IGFALS: variants seen among roughly 807,000 people sequenced by gnomAD.
The protein encoded by IGFALS is insulin-like growth factor-binding protein complex acid labile subunit.
In IGFALS, 2 loss-of-function variants were observed where a neutral mutation model predicts 2.6. That is an observed-to-expected ratio of 0.77 (90% confidence interval 0.32 to 2.44). The LOEUF (loss-of-function observed/expected upper bound fraction) is 2.44. IGFALS is among the 30% of genes most tolerant of loss of function. The pLI, the probability that IGFALS is intolerant of heterozygous loss-of-function variation, is 0.11. For synonymous variants in IGFALS, 519 were observed against 431.9 expected, an observed-to-expected ratio of 1.20 and a Z score of -2.50; for missense variants, 996 against 848.7, an observed-to-expected ratio of 1.17 and a Z score of -2.16.
In IGFALS at chr16:1,791,757, G is replaced by A. The variant is rs574076088; in HGVS notation, c.661C>T (p.Arg221Trp). 46 of 1,550,342 alleles carry A rather than the reference G, an allele frequency of 3.0e-5. No homozygotes were observed. The South Asian group carries it at 3.5e-4, about 12-fold the overall frequency. Reference protein sequence around the residue: ...PALFSGLAELRELDLSRNALR... With the variant: ...PALFSGLAELWELDLSRNALR... ...GCGTTCCTGCTCAGGTCCAGCTCCC[G>A]GAGCTCGGCCAGGCCGCTGAAGAGC... is the stretch of plus-strand genomic sequence containing the variant. The change falls in exon 2 of 2, where the codon CGG becomes TGG. Residue 221 changes from arginine (R) to tryptophan (W), a missense_variant. Arg to Trp is a moderately radical substitution (Grantham distance 101). Coordinates refer to ENST00000215539, the MANE Select transcript of IGFALS (RefSeq NM_004970.3).
chr16:1,793,162 C>T (rs1359895864), intron 1 of IGFALS, among the ~76,000 whole-genome samples: 1 of 152,112 alleles, frequency 6.6e-6, no homozygotes, highest in African/African-American at 2.4e-5. Context: ...GAGGTGGGGC[C>T]CCCCCGACTG....
rs757658394 is a variant in IGFALS, at chr16:1,790,427, C to T, written c.*173G>A. The T allele has an allele frequency of 3.7e-5, 25 of 678,948 alleles. No individual in the cohort carries two copies. Among genetic ancestry groups the T allele is most frequent in the South Asian group, 3.1e-4 (20 of 63,584 alleles). The allele number at this position is 678,948 out of a possible 1,614,324, so 42.1% of individuals were successfully genotyped here. ...CACTGTGCCTGTTAGATTCGATTGC[C>T]TTTGCCTTTAATTGATGACAGCTGG... On this transcript the variant is annotated 3_prime_UTR_variant, in exon 2 of 2. Coordinates refer to ENST00000215539, the MANE Select transcript of IGFALS (RefSeq NM_004970.3).
chr16:1,791,543 A>G lies in IGFALS; in HGVS notation c.875T>C (p.Leu292Pro). Reference protein sequence around the residue: ...LEDTFPGLLGLRVLRLSHNAI... With the variant: ...LEDTFPGLLGPRVLRLSHNAI... ...GTTGTGGGACAGCCGCAGCACACGCAGGCCCAGCAGACCGGGGAACGTGTC... is the reference window on the plus strand; with the variant it reads ...GTTGTGGGACAGCCGCAGCACACGCGGGCCCAGCAGACCGGGGAACGTGTC... Residue 292 changes from leucine to proline, a missense_variant, in exon 2 of 2, where the codon CTG (leucine) becomes CCG (proline). Coordinates refer to ENST00000215539, the MANE Select transcript of IGFALS (RefSeq NM_004970.3). The G allele has an allele frequency of 6.3e-7, 1 of 1,581,178 alleles. No homozygotes were observed. The highest frequency in any genetic ancestry group is 1.8e-5 in the Admixed American group (1 of 54,970).
Position 1,793,680 on chromosome 16 carries a change from G to C in IGFALS, c.-28C>G. The stretch of plus-strand genomic sequence containing the variant: ...TGCATGCAGGGCAGGCTGCAGGCAG[G>C]CAGCGAGGGAGGGTACGTCTGCTGT... On this transcript the variant is annotated 5_prime_UTR_variant, in exon 1 of 2. Transcript: ENST00000215539. The C allele has an allele frequency of 6.3e-7, 1 of 1,582,856 alleles. No homozygotes were observed. The highest frequency in any genetic ancestry group is 1.1e-5 in the South Asian group (1 of 87,006).
At chr16:1,793,524 A>G in intron 1 of IGFALS, 113 bp downstream of exon 1, 2 of 999,700 alleles carry the variant, frequency 2.0e-6, no homozygotes, top group Admixed American at 2.4e-5. Context: ...GCAGACCCCC[A>G]GAGCTGAGCC....
In IGFALS at chr16:1,791,136, GCTC is replaced by G; in HGVS notation, c.1279_1281del (p.Glu427del). On this transcript the variant is annotated inframe_deletion, in exon 2 of 2. Transcript: ENST00000215539. ...AGCTCCGCCAGCCCCCACAGGCTCT[GCTC>G]CTCAATGCCCACGAGGCCGTTGTCC... The G allele has an allele frequency of 6.2e-7, 1 of 1,605,020 alleles. No individual in the cohort carries two copies. The highest frequency in any genetic ancestry group is 8.5e-7 in the Non-Finnish European group (1 of 1,179,756).
At chr16:1,794,786 C>T (rs1230695407), upstream of IGFALS, 7 of 697,024 alleles carry the variant, frequency 1.0e-5, 1 homozygote, top group South Asian at 4.5e-5. Flanking sequence ...AGCCAGGGCT[C>T]GGGGAGACCA....
Position 1,790,457 on chromosome 16 carries a change from G to A in IGFALS, c.*143C>T, listed in dbSNP as rs1477768348. ...CCTTTAATTGATGACAGCTGGGGGGGCCGCCATGCCTTCCACCCCATCAGG... is the reference window on the plus strand; with the variant it reads ...CCTTTAATTGATGACAGCTGGGGGGACCGCCATGCCTTCCACCCCATCAGG... On this transcript the variant is annotated 3_prime_UTR_variant, in exon 2 of 2. Coordinates refer to ENST00000215539, the MANE Select transcript of IGFALS (RefSeq NM_004970.3). 9.5e-6 allele frequency: 7 copies of A among 737,662 alleles called. No individual in the cohort carries two copies. Among genetic ancestry groups the A allele is most frequent in the Admixed American group, 4.1e-5 (2 of 49,276 alleles). 45.7% of individuals were successfully genotyped at this position (737,662 alleles called of 1,614,324 possible). A position where few individuals can be genotyped will look rare whatever the true frequency, so the allele number is the denominator to read the frequency against.
rs766957939 is a variant in IGFALS, at chr16:1,790,733, A to G, written c.1685T>C (p.Val562Ala). ...ATCGTCCCCCTCACAGATGGCCTGG[A>G]CGAAGCGGGGCACAGCACTGGGGTT... ...LQNPSAVPRF[V>A]QAICEGDDCQ... The change falls in exon 2 of 2, where the codon GTC (valine) becomes GCC (alanine). Residue 562 changes from valine to alanine, a missense_variant. Coordinates refer to ENST00000215539, the MANE Select transcript of IGFALS (RefSeq NM_004970.3). The G allele has an allele frequency of 2.5e-6, 4 of 1,606,742 alleles. No homozygotes were observed. The highest frequency in any genetic ancestry group is 1.7e-4 in the Middle Eastern group (1 of 6,050).
At position 1,792,039 on chromosome 16, in the gene IGFALS, G is replaced by C. The variant is rs1472365411; in HGVS notation, c.379C>G (p.Leu127Val). Residue 127 changes from leucine to valine, a missense_variant, in exon 2 of 2, where the codon CTG (leucine) becomes GTG (valine). Leu to Val is a conservative substitution (Grantham distance 32). Transcript: ENST00000215539. ...ALLGLENLCH[L>V]HLERNQLRSL... is the part of the protein sequence containing the mutation. ...CGCAGCTGGTTCCGCTCCAGGTGCA[G>C]GTGGCACAGGTTCTCTAGGCCCAGC... The C allele has an allele frequency of 1.2e-6, 2 of 1,610,722 alleles. No individual in the cohort carries two copies. The highest frequency in any genetic ancestry group is 2.2e-5 in the East Asian group (1 of 44,838).
At chr16:1,793,917 C>T (rs1163211927), upstream of IGFALS, among the ~76,000 whole-genome samples, 1 of 152,154 alleles carries the variant, frequency 6.6e-6, no homozygotes, top group African/African-American at 2.4e-5. Context: ...GGGCTGACGG[C>T]CAGTGCCCGG....
At chr16:1,794,816 C>G, upstream of IGFALS, 1 of 702,072 alleles carries the variant, frequency 1.4e-6, no homozygotes, top group Non-Finnish European at 2.6e-6. Flanking sequence ...AGGGCCCTAC[C>G]CCATCCTCAG....
intron 1 of IGFALS, among the ~76,000 whole-genome samples, chr16:1,792,671 G>A (rs1057265394): frequency 3.9e-5 from 6 of 152,234 alleles, no homozygotes; most frequent in African/African-American, 1.4e-4. Context: ...ACGTGGGCTC[G>A]GCCAGGCTGG....
In IGFALS at chr16:1,791,265, G is replaced by C. The variant is rs1255649327; in HGVS notation, c.1153C>G (p.Leu385Val). The change falls in exon 2 of 2, where the codon CTG (leucine) becomes GTG (valine). Residue 385 changes from leucine (L) to valine (V), a missense_variant. Coordinates refer to ENST00000215539, the MANE Select transcript of IGFALS (RefSeq NM_004970.3). ...AGGTGCAGGCTGTGCAGCTTGCCCAGGCCCCGGAACACCTGCTCCGGAAGG... is the reference window on the plus strand; with the variant it reads ...AGGTGCAGGCTGTGCAGCTTGCCCACGCCCCGGAACACCTGCTCCGGAAGG... ...RNLPEQVFRG[L>V]GKLHSLHLEG... The C allele has an allele frequency of 1.2e-6, 2 of 1,609,268 alleles. No individual in the cohort carries two copies. Among genetic ancestry groups the C allele is most frequent in the Admixed American group, 1.7e-5 (1 of 60,024 alleles).
rs758352222 is a variant in IGFALS, at chr16:1,792,082, G to A, written c.336C>T (p.Ser112=). 8.1e-6 allele frequency: 13 copies of A among 1,609,810 alleles called. No homozygotes were observed. The South Asian group carries it at 1.4e-4, about 18-fold the overall frequency. ...FLNLQGGQLG[S]LEPQALLGLE... ...GGCCCAGCAGCGCCTGTGGCTCCAG[G>A]CTGCCCAGCTGGCCGCCCTGCAGGT... Residue 112 remains serine (S), a synonymous_variant, in exon 2 of 2, where the codon AGC becomes AGT. Transcript: ENST00000215539.
chr16:1,792,953 G>A (rs545455601), intron 1 of IGFALS, among the ~76,000 whole-genome samples: 4 of 152,240 alleles, frequency 2.6e-5, no homozygotes, highest in Non-Finnish European at 5.9e-5. Context: ...CTGCGGGAGG[G>A]GACCGGGGCA....
At position 1,790,460 on chromosome 16, in the gene IGFALS, G is replaced by A. The variant is rs886051773; in HGVS notation, c.*140C>T. The A allele has an allele frequency of 2.1e-5, 16 of 753,278 alleles. No homozygotes were observed. The highest frequency in any genetic ancestry group is 5.2e-5 in the African/African-American group (3 of 57,964). The allele number at this position is 753,278 out of a possible 1,614,324, so 46.7% of individuals were successfully genotyped here. A position where few individuals can be genotyped will look rare whatever the true frequency, so the allele number is the denominator to read the frequency against. On this transcript the variant is annotated 3_prime_UTR_variant, in exon 2 of 2. Coordinates refer to ENST00000215539, the MANE Select transcript of IGFALS (RefSeq NM_004970.3). Reference sequence around the variant, plus strand: ...TTAATTGATGACAGCTGGGGGGGCCGCCATGCCTTCCACCCCATCAGGCCC... The same window carrying A: ...TTAATTGATGACAGCTGGGGGGGCCACCATGCCTTCCACCCCATCAGGCCC...
Position 1,791,861 on chromosome 16 carries a change from G to T in IGFALS, c.557C>A (p.Pro186His). The T allele has an allele frequency of 6.4e-7, 1 of 1,557,114 alleles. No homozygotes were observed. ...GCCCAGGCCGCGGAACGCCGCATCGGGGAGCACCGCCAGGCTATTCCAGCC... is the reference window on the plus strand; with the variant it reads ...GCCCAGGCCGCGGAACGCCGCATCGTGGAGCACCGCCAGGCTATTCCAGCC... ...NLGWNSLAVL[P>H]DAAFRGLGSL... The change falls in exon 2 of 2, where the codon CCC becomes CAC. Residue 186 changes from proline (P) to histidine (H), a missense_variant. Coordinates refer to ENST00000215539, the MANE Select transcript of IGFALS (RefSeq NM_004970.3).
intron 1 of IGFALS, among the ~76,000 whole-genome samples, chr16:1,793,163 C>A (rs1297673141): frequency 6.6e-6 from 1 of 152,152 alleles, no homozygotes; most frequent in Non-Finnish European, 1.5e-5. Flanking sequence ...AGGTGGGGCC[C>A]CCCCGACTGC....
Sources: gnomAD v4.1 joint callset for allele counts (sites outside exome capture counted in the v4.1 genomes callset) on GRCh38, gnomAD v4.1.1 for gene constraint, MANE v1.5 for transcripts, NCBI Gene and HGNC (gene_info 2026-07-23, HGNC 2026-07-21) for gene names.